The following PDE7B variants were observed in gnomAD, a reference collection of about 807,000 sequenced individuals.
PDE7B encodes the protein phosphodiesterase 7B.
Under a neutral mutation model 56.2 loss-of-function variants are expected in PDE7B, and 29 were observed. The ratio of observed to expected loss-of-function variants is 0.52; its 90% CI spans 0.38 to 0.70. The LOEUF (loss-of-function observed/expected upper bound fraction) is 0.70, where lower values mean the gene tolerates loss of function less well. Ranked by LOEUF, PDE7B falls within the 30% of genes least tolerant of loss-of-function variation. The pLI is 0.00. For synonymous variants in PDE7B, 197 were observed against 196.9 expected, an observed-to-expected ratio of 1.00 and a Z score of 0.00; for missense variants, 490 against 565.0, an observed-to-expected ratio of 0.87 and a Z score of 1.35.
At chr6:136,042,550 G>A (rs934388126) in intron 2 of PDE7B, among the ~76,000 whole-genome samples, 5 of 152,046 alleles carry the variant, frequency 3.3e-5, no homozygotes, top group African/African-American at 9.7e-5. Flanking sequence ...CACACAAATC[G>A]CTCAAAGAAA....
At chr6:136,187,261 T>C (rs3734548) in intron 12 of PDE7B, 145 bp downstream of exon 12, 64,005 of 589,298 alleles carry the variant, frequency 0.11, 16,084 homozygotes, top group African/African-American at 0.74. Flanking sequence ...TCCAAATTAA[T>C]ACTTTAATCA....
At chr6:136,142,250 T>C (rs1005454969) in intron 3 of PDE7B, among the ~76,000 whole-genome samples, 4 of 152,208 alleles carry the variant, frequency 2.6e-5, no homozygotes. Flanking sequence ...TCAGTTTCCA[T>C]GTAGTTGAGC....
At chr6:135,876,608 C>T (rs1342598135) in intron 1 of PDE7B, among the ~76,000 whole-genome samples, 1 of 152,104 alleles carries the variant, frequency 6.6e-6, no homozygotes, top group Non-Finnish European at 1.5e-5. Flanking sequence ...CCTGTAATCC[C>T]AGCACTTTGG....
intron 2 of PDE7B, among the ~76,000 whole-genome samples, chr6:136,073,491 T>C (rs545495584): frequency 2.0e-5 from 3 of 152,122 alleles, no homozygotes; most frequent in South Asian, 2.1e-4. Flanking sequence ...ATCTGTGGAG[T>C]TGGTTTCTTC....
intron 9 of PDE7B, among the ~76,000 whole-genome samples, chr6:136,177,228 G>A (rs950463481): frequency 2.6e-5 from 4 of 151,996 alleles, no homozygotes; most frequent in African/African-American, 9.7e-5. Context: ...TTTGGGAGGT[G>A]GAGATGGGAG....
At chr6:136,190,407 T>C (rs962736256) in intron 12 of PDE7B, among the ~76,000 whole-genome samples, 1 of 152,204 alleles carries the variant, frequency 6.6e-6, no homozygotes, top group Non-Finnish European at 1.5e-5. Context: ...CTTCCATCTC[T>C]ATGGCATTCT....
At position 135,964,945 on chromosome 6, in the gene PDE7B, C is replaced by A. The variant is rs370578363; in HGVS notation, c.82+17421C>A. 5.9e-5 allele frequency among the ~76,000 whole-genome samples: 9 copies of A among 152,294 alleles called. No homozygotes were observed. In the East Asian group the frequency reaches 1.7e-3, roughly 29 times the overall value. On this transcript the variant is annotated intron_variant, in intron 2 of 12. Coordinates refer to ENST00000308191, the MANE Select transcript of PDE7B (RefSeq NM_018945.4). Reference sequence around the variant, plus strand: ...TCACCTGAGCTCAGGAGTTTGAGACCAGCCTGGCCAACATGGCAAAACCCC... The same window carrying A: ...TCACCTGAGCTCAGGAGTTTGAGACAAGCCTGGCCAACATGGCAAAACCCC...
chr6:135,861,287 T>TA (rs968648252), intron 1 of PDE7B, among the ~76,000 whole-genome samples: 2 of 151,796 alleles, frequency 1.3e-5, no homozygotes, highest in African/African-American at 4.8e-5. Flanking sequence ...CCAAATTTAG[T>TA]AAAAAATTCA....
At chr6:135,892,104 A>G (rs1775819147) in intron 1 of PDE7B, among the ~76,000 whole-genome samples, 1 of 152,182 alleles carries the variant, frequency 6.6e-6, no homozygotes, top group Non-Finnish European at 1.5e-5. Context: ...ATGCTTATTG[A>G]GTGAACACAC....
At chr6:136,009,551 A>G (rs1471812954) in intron 2 of PDE7B, among the ~76,000 whole-genome samples, 2 of 152,092 alleles carry the variant, frequency 1.3e-5, no homozygotes, top group African/African-American at 2.4e-5. Flanking sequence ...GGTCCTTCAC[A>G]TCCCTTGTAA....
intron 2 of PDE7B, among the ~76,000 whole-genome samples, chr6:136,057,535 AG>A: frequency 6.6e-6 from 1 of 152,206 alleles, no homozygotes; most frequent in Non-Finnish European, 1.5e-5. Flanking sequence ...TACATGCAAA[AG>A]TAATTTTGTA....
intron 2 of PDE7B, among the ~76,000 whole-genome samples, chr6:135,957,509 G>A (rs374395234): frequency 4.6e-5 from 7 of 151,992 alleles, no homozygotes; most frequent in Admixed American, 1.3e-4. Context: ...ACTGCTTCCC[G>A]GTCCTTTCCC....
At chr6:136,154,006 A>C in intron 6 of PDE7B, 69 bp from the exon 7 acceptor site, 2 of 981,338 alleles carry the variant, frequency 2.0e-6, no homozygotes, top group Non-Finnish European at 3.2e-6. Flanking sequence ...AAGCACCCAC[A>C]GTAAGTCTAA....
intron 1 of PDE7B, among the ~76,000 whole-genome samples, chr6:135,915,490 G>C (rs1183676748): frequency 1.3e-5 from 2 of 152,222 alleles, no homozygotes; most frequent in Non-Finnish European, 2.9e-5. Flanking sequence ...CTGTAGGCAA[G>C]TCTAATAGGT....
At chr6:136,035,100 A>C (rs1464825941) in intron 2 of PDE7B, 1 of 152,200 alleles carries the variant, frequency 6.6e-6, no homozygotes, top group African/African-American at 2.4e-5. Context: ...ACTGATATTA[A>C]CATGTGTAAG....
chr6:136,059,414 T>C (rs1776797890), intron 2 of PDE7B, among the ~76,000 whole-genome samples: 1 of 152,228 alleles, frequency 6.6e-6, no homozygotes, highest in African/African-American at 2.4e-5. Context: ...ATCTTCCTAC[T>C]TGCTATGCCG....
intron 3 of PDE7B, among the ~76,000 whole-genome samples, chr6:136,135,917 G>A (rs1239587247): frequency 6.6e-6 from 1 of 151,944 alleles, no homozygotes; most frequent in Non-Finnish European, 1.5e-5. Flanking sequence ...TGTAAGTTCT[G>A]GAAATGACTC....
At chr6:136,015,529 C>A (rs528075643) in intron 2 of PDE7B, among the ~76,000 whole-genome samples, 1 of 151,994 alleles carries the variant, frequency 6.6e-6, no homozygotes, top group Non-Finnish European at 1.5e-5. Flanking sequence ...GAGGCTTTTC[C>A]GCCTGAGAAT....
chr6:135,956,156 G>A (rs1030704278), intron 2 of PDE7B, among the ~76,000 whole-genome samples: 1 of 152,076 alleles, frequency 6.6e-6, no homozygotes, highest in Non-Finnish European at 1.5e-5. Context: ...AATAGAGTGG[G>A]CAGAAAGATA....
Sources: gnomAD v4.1 joint callset for allele counts (sites outside exome capture counted in the v4.1 genomes callset) on GRCh38, gnomAD v4.1.1 for gene constraint, MANE v1.5 for transcripts, NCBI Gene and HGNC (gene_info 2026-07-23, HGNC 2026-07-21) for gene names.